NCAM2: variants seen among roughly 807,000 people sequenced by gnomAD.
The protein encoded by NCAM2 is N-CAM-2.
A neutral mutation model predicts 98.1 loss-of-function variants in NCAM2; 30 were observed. The observed-to-expected ratio is 0.31, with a 90% CI of 0.23 to 0.41. NCAM2 has a LOEUF of 0.41. Ranked by LOEUF, NCAM2 falls within the 10% of genes least tolerant of loss-of-function variation. NCAM2 has a pLI of 1.00. For missense variants in NCAM2, 867 were observed against 1,005.8 expected (o/e 0.86, Z 1.87); for synonymous variants, 368 against 342.4 (o/e 1.07, Z -0.83).
chr21:21,192,895 A>G (rs986140430), intron 1 of NCAM2, among the ~76,000 whole-genome samples: 1 of 152,180 alleles, frequency 6.6e-6, no homozygotes, highest in Admixed American at 6.5e-5. Flanking sequence ...TCAAGATATT[A>G]TCTGTACATC....
chr21:21,041,612 G>T (rs936641559), intron 1 of NCAM2, among the ~76,000 whole-genome samples: 3 of 152,172 alleles, frequency 2.0e-5, no homozygotes, highest in Non-Finnish European at 4.4e-5. Flanking sequence ...AGGCTTTGAA[G>T]TAGCTAGAAC....
At chr21:21,095,605 AGAT>A (rs2066105297) in intron 1 of NCAM2, among the ~76,000 whole-genome samples, 1 of 151,700 alleles carries the variant, frequency 6.6e-6, no homozygotes, top group Non-Finnish European at 1.5e-5. Context: ...AAGGAAGAAA[AGAT>A]GATAAGATAC....
At chr21:21,226,499 G>T (rs1045473478) in intron 1 of NCAM2, 3 of 152,006 alleles carry the variant, frequency 2.0e-5, no homozygotes, top group Non-Finnish European at 2.9e-5. Flanking sequence ...GAAGAAGATA[G>T]TATTTGAATT....
chr21:21,046,340 T>A (rs2065007434), intron 1 of NCAM2, among the ~76,000 whole-genome samples: 1 of 152,154 alleles, frequency 6.6e-6, no homozygotes, highest in South Asian at 2.1e-4. Flanking sequence ...ATTTTAAAAG[T>A]GGTTCCTGCA....
intron 8 of NCAM2, among the ~76,000 whole-genome samples, chr21:21,357,213 A>G (rs866659787): frequency 6.6e-6 from 1 of 152,080 alleles, no homozygotes; most frequent in African/African-American, 2.4e-5. Context: ...ATTTCTTTAC[A>G]CTTACACAGG....
Position 21,508,919 on chromosome 21 carries a change from C to A in NCAM2, c.2146C>A (p.Leu716Ile), listed in dbSNP as rs773778036. ...GGGAGTTGCTGCACTGCTGCTAATTCTTGTGGTAACAGACGTCAGCTGCTT... is the reference window on the plus strand; with the variant it reads ...GGGAGTTGCTGCACTGCTGCTAATTATTGTGGTAACAGACGTCAGCTGCTT... ...GLGVAALLLI[L>I]VVTDVSCFFI... Residue 716 changes from leucine to isoleucine, a missense_variant, in exon 16 of 18, where the codon CTT becomes ATT. Transcript: ENST00000400546. 1.3e-6 allele frequency: 2 copies of A among 1,494,722 alleles called. No individual in the cohort carries two copies. The highest frequency in any genetic ancestry group is 1.8e-6 in the Non-Finnish European group (2 of 1,107,950). The allele number at this position is 1,494,722 out of a possible 1,614,324, so 92.6% of individuals were successfully genotyped here.
intron 10 of NCAM2, among the ~76,000 whole-genome samples, chr21:21,416,526 C>CT (rs1408401502): frequency 6.3e-5 from 8 of 127,372 alleles, no homozygotes; most frequent in Non-Finnish European, 1.4e-4. Context: ...AAGAAAAACA[C>CT]TATCTTTCAA....
chr21:21,027,401 G>A (rs114071615), intron 1 of NCAM2, among the ~76,000 whole-genome samples: 7,500 of 152,158 alleles, frequency 0.049, 223 homozygotes, highest in East Asian at 0.069. Flanking sequence ...GTCTTTTCCT[G>A]CCAGGAACTA....
chr21:21,517,181 T>G, intron 16 of NCAM2, among the ~76,000 whole-genome samples: 1 of 152,216 alleles, frequency 6.6e-6, no homozygotes, highest in East Asian at 1.9e-4. Context: ...CTTCAAATGC[T>G]TCTAGCTCAA....
At chr21:21,031,313 C>A (rs1568946002) in intron 1 of NCAM2, among the ~76,000 whole-genome samples, 2 of 152,098 alleles carry the variant, frequency 1.3e-5, no homozygotes, top group East Asian at 3.9e-4. Context: ...GTATTAATCC[C>A]AATAAATAAA....
intron 8 of NCAM2, among the ~76,000 whole-genome samples, chr21:21,368,779 C>T (rs1349073825): frequency 6.6e-6 from 1 of 151,834 alleles, no homozygotes; most frequent in Admixed American, 6.6e-5. Context: ...AACATATGAA[C>T]TTTGAGGGGA....
intron 1 of NCAM2, among the ~76,000 whole-genome samples, chr21:21,219,361 A>G (rs1334636200): frequency 6.6e-6 from 1 of 152,170 alleles, no homozygotes; most frequent in Non-Finnish European, 1.5e-5. Flanking sequence ...TACAACTTAA[A>G]TTGTTTCTAC....
intron 1 of NCAM2, among the ~76,000 whole-genome samples, chr21:21,243,889 G>A (rs2071165295): frequency 6.6e-6 from 1 of 152,140 alleles, no homozygotes; most frequent in African/African-American, 2.4e-5. Flanking sequence ...AAAATATGAG[G>A]AAGATAAACA....
At chr21:21,479,253 A>G (rs1408993681) in intron 15 of NCAM2, among the ~76,000 whole-genome samples, 1 of 152,116 alleles carries the variant, frequency 6.6e-6, no homozygotes, top group African/African-American at 2.4e-5. Context: ...TACACAGATT[A>G]CTAAATGTTA....
chr21:21,178,421 T>A (rs903169368), intron 1 of NCAM2, among the ~76,000 whole-genome samples: 1 of 152,138 alleles, frequency 6.6e-6, no homozygotes. Flanking sequence ...TCTGATTGCT[T>A]CATATTTTCC....
intron 1 of NCAM2, among the ~76,000 whole-genome samples, chr21:21,018,449 T>C (rs762872558): frequency 4.5e-4 from 68 of 152,262 alleles, no homozygotes; most frequent in Admixed American, 1.2e-3. Flanking sequence ...TGTTATACTC[T>C]GTTTTACATT....
At chr21:21,168,605 G>A (rs956022449) in intron 1 of NCAM2, among the ~76,000 whole-genome samples, 3 of 152,062 alleles carry the variant, frequency 2.0e-5, no homozygotes, top group Admixed American at 6.5e-5. Flanking sequence ...TTATAGCAAC[G>A]TTGAAGATTA....
At chr21:21,030,682 CT>C (rs2064662201) in intron 1 of NCAM2, among the ~76,000 whole-genome samples, 1 of 152,142 alleles carries the variant, frequency 6.6e-6, no homozygotes, top group Non-Finnish European at 1.5e-5. Flanking sequence ...CAGTGCCTTC[CT>C]TTTAAAATGA....
chr21:21,526,787 G>A (rs1461350184), intron 16 of NCAM2, among the ~76,000 whole-genome samples: 1 of 151,956 alleles, frequency 6.6e-6, no homozygotes, highest in Non-Finnish European at 1.5e-5. Context: ...ATAAATTAAT[G>A]GAACCCAATA....
Sources: gnomAD v4.1 joint callset for allele counts (sites outside exome capture counted in the v4.1 genomes callset) on GRCh38, gnomAD v4.1.1 for gene constraint, MANE v1.5 for transcripts, NCBI Gene and HGNC (gene_info 2026-07-23, HGNC 2026-07-21) for gene names.